The following XPR1 variants were observed in gnomAD, a reference collection of about 807,000 sequenced individuals.
XPR1 encodes the protein xenotropic and polytropic retrovirus receptor 1.
Under a neutral mutation model 87.5 loss-of-function variants are expected in XPR1, and 28 were observed. The observed-to-expected ratio is 0.32, with a 90% CI of 0.24 to 0.44. The LOEUF (loss-of-function observed/expected upper bound fraction) is 0.44, where lower values mean the gene tolerates loss of function less well. XPR1 is among the 20% of genes least tolerant of loss of function. XPR1 has a pLI of 1.00. For missense variants in XPR1, 559 were observed against 862.3 expected (o/e 0.65, Z 4.41); for synonymous variants, 300 against 306.1 (o/e 0.98, Z 0.21).
At chr1:180,783,063 A>G (rs945355699) in intron 2 of XPR1, among the ~76,000 whole-genome samples, 12 of 152,058 alleles carry the variant, frequency 7.9e-5, no homozygotes, top group African/African-American at 2.9e-4. Context: ...TGAGCATTCT[A>G]TAAGCTTCTC....
rs746151847 is a variant in XPR1, at chr1:180,884,028, G to T, written c.2053G>T (p.Val685Leu). The T allele has an allele frequency of 2.1e-5, 34 of 1,613,852 alleles. No homozygotes were observed. The highest frequency in any genetic ancestry group is 2.7e-5 in the Non-Finnish European group (32 of 1,179,988). Residue 685 changes from valine (V) to leucine (L), a missense_variant, in exon 15 of 15, where the codon GTA becomes TTA. This residue lies in a region of XPR1 where 80 missense variants were observed against 99.5 expected (regional missense o/e 0.80). Transcript: ENST00000367590. Reference protein sequence around the residue: ...ASQSKARDTKVLIEDTDDEAN... With the variant: ...ASQSKARDTKLLIEDTDDEAN... ...TAGATCCAAGGCTCGTGACACTAAG[G>T]TATTGATAGAAGACACAGATGATGA...
intron 2 of XPR1, among the ~76,000 whole-genome samples, chr1:180,691,559 G>A (rs1656993479): frequency 6.6e-6 from 1 of 152,060 alleles, no homozygotes; most frequent in East Asian, 1.9e-4. Context: ...TAAGTAACTG[G>A]CCACCACACT....
intron 2 of XPR1, among the ~76,000 whole-genome samples, chr1:180,702,356 A>C (rs1294947589): frequency 1.4e-5 from 2 of 144,562 alleles, no homozygotes; most frequent in Non-Finnish European, 3.0e-5. Flanking sequence ...TTTACTTCCA[A>C]CTATGTGGTC....
chr1:180,874,475 AG>A (rs1256314399), intron 13 of XPR1, among the ~76,000 whole-genome samples: 1 of 152,058 alleles, frequency 6.6e-6, no homozygotes, highest in Admixed American at 6.5e-5. Flanking sequence ...GGATCACCTG[AG>A]GTCAGGAGTT....
intron 1 of XPR1, among the ~76,000 whole-genome samples, chr1:180,648,125 G>A (rs1655180796): frequency 6.6e-6 from 1 of 152,090 alleles, no homozygotes; most frequent in Non-Finnish European, 1.5e-5. Flanking sequence ...AGTTGCTATT[G>A]CTCAGCTCCA....
intron 11 of XPR1, among the ~76,000 whole-genome samples, chr1:180,860,947 CATT>C (rs1436245851): frequency 1.3e-5 from 2 of 152,024 alleles, no homozygotes; most frequent in Non-Finnish European, 2.9e-5. Flanking sequence ...CTTTTAGTTT[CATT>C]ATTAATTCCT....
At chr1:180,649,152 G>A (rs140891291) in intron 1 of XPR1, among the ~76,000 whole-genome samples, 28 of 152,130 alleles carry the variant, frequency 1.8e-4, no homozygotes, top group African/African-American at 5.8e-4. Context: ...CAGGCCAGGC[G>A]CAGTGGCTCA....
intron 2 of XPR1, among the ~76,000 whole-genome samples, chr1:180,714,397 C>CTCTCTG: frequency 7.5e-6 from 1 of 132,478 alleles, no homozygotes; most frequent in Non-Finnish European, 1.6e-5. Context: ...CTCTCTCTCT[C>CTCTCTG]TCTCTGTCGT....
chr1:180,777,716 T>G (rs1558003512), intron 2 of XPR1, among the ~76,000 whole-genome samples: 2 of 152,228 alleles, frequency 1.3e-5, no homozygotes, highest in Non-Finnish European at 2.9e-5. Context: ...TATTCTCAGT[T>G]TATAAATCAC....
chr1:180,872,671 C>T (rs1177507244), intron 12 of XPR1, among the ~76,000 whole-genome samples: 3 of 135,458 alleles, frequency 2.2e-5, no homozygotes, highest in Admixed American at 7.6e-5. Flanking sequence ...CGCCCTGCTT[C>T]GGCTCGCGCA....
At chr1:180,678,966 C>A (rs1042344753) in intron 1 of XPR1, among the ~76,000 whole-genome samples, 5 of 151,816 alleles carry the variant, frequency 3.3e-5, no homozygotes, top group South Asian at 2.1e-4. Context: ...GAGGCCGAGG[C>A]GGGTGGATCA....
intron 2 of XPR1, among the ~76,000 whole-genome samples, chr1:180,713,454 A>G (rs971533644): frequency 6.6e-6 from 1 of 152,168 alleles, no homozygotes; most frequent in Non-Finnish European, 1.5e-5. Flanking sequence ...TTTTACTTCT[A>G]CCTTTCCAAG....
intron 13 of XPR1, among the ~76,000 whole-genome samples, chr1:180,874,868 C>T (rs954210816): frequency 6.6e-6 from 1 of 152,116 alleles, no homozygotes; most frequent in African/African-American, 2.4e-5. Context: ...TTGTATGCAC[C>T]TAATAAAATG....
intron 2 of XPR1, among the ~76,000 whole-genome samples, chr1:180,688,662 C>G (rs1656870819): frequency 6.6e-6 from 1 of 151,974 alleles, no homozygotes; most frequent in Admixed American, 6.6e-5. Context: ...AATTTTTTAC[C>G]TTTATAGGTT....
At chr1:180,685,965 G>GT (rs905880700) in intron 2 of XPR1, among the ~76,000 whole-genome samples, 9 of 151,792 alleles carry the variant, frequency 5.9e-5, no homozygotes, top group East Asian at 1.9e-4. Context: ...TTTTTGAAGG[G>GT]TTTTTTTTGT....
rs558521246 is a variant in XPR1 at position 180,884,969 on chromosome 1, T to C, written c.*903T>C. 19 of 152,470 alleles carry C rather than the reference T, an allele frequency of 1.2e-4. No homozygotes were observed. Among genetic ancestry groups the C allele is most frequent in the African/African-American group, 4.3e-4 (18 of 41,576 alleles). 9.4% of individuals were successfully genotyped at this position (152,470 alleles called of 1,614,324 possible). Reference sequence around the variant, plus strand: ...CCACACTTCACACCACCGGCTGAATTTCATGGAAGAGGTTCTGATAATTTT... The same window carrying C: ...CCACACTTCACACCACCGGCTGAATCTCATGGAAGAGGTTCTGATAATTTT... On this transcript the variant is annotated 3_prime_UTR_variant, in exon 15 of 15. Transcript: ENST00000367590.
chr1:180,827,255 G>T (rs1022189600), intron 9 of XPR1, among the ~76,000 whole-genome samples: 2 of 151,642 alleles, frequency 1.3e-5, no homozygotes, highest in East Asian at 3.9e-4. Flanking sequence ...CTCCCAAAGT[G>T]CTGGGATTAC....
At chr1:180,824,396 C>T (rs1174863955) in intron 7 of XPR1, among the ~76,000 whole-genome samples, 1 of 152,136 alleles carries the variant, frequency 6.6e-6, no homozygotes, top group Non-Finnish European at 1.5e-5. Context: ...TCCTGGCCAA[C>T]ATGGTGAAAC....
chr1:180,743,066 A>G lies in XPR1; in HGVS notation c.122-44687A>G, dbSNP rs187549765. On this transcript the variant is annotated intron_variant, in intron 2 of 14. Coordinates refer to ENST00000367590, the MANE Select transcript of XPR1 (RefSeq NM_004736.4). ...AACATATATAGTTGGACATTTAAAA[A>G]ACTCATTGTGACAGTCCATCTTTTA... Among the ~76,000 whole-genome samples the G allele has an allele frequency of 2.9e-3, 445 of 152,176 alleles. 4 individuals carry two copies. Among genetic ancestry groups the G allele is most frequent in the Middle Eastern group, 0.027 (8 of 294 alleles).
Sources: allele counts gnomAD v4.1 joint callset (sites outside exome capture counted in the v4.1 genomes callset), GRCh38; gene constraint gnomAD v4.1.1; regional missense constraint gnomAD v4.1.1; transcripts MANE v1.5; gene names NCBI Gene and HGNC (gene_info 2026-07-23, HGNC 2026-07-21).